The following GNA12 variants were observed in gnomAD, a reference collection of about 807,000 sequenced individuals.
The protein encoded by GNA12 is G protein subunit alpha 12.
A neutral mutation model predicts 26.0 loss-of-function variants in GNA12; 9 were observed. The observed-to-expected ratio is 0.35, with a 90% confidence interval of 0.21 to 0.60. The LOEUF (loss-of-function observed/expected upper bound fraction) is 0.60, where lower values mean the gene tolerates loss of function less well. GNA12 is among the 20% of genes least tolerant of loss of function. The probability of loss-of-function intolerance (pLI) is 0.78; values close to 1 mark genes in which losing one functional copy is unlikely to be tolerated. For synonymous variants in GNA12, 264 were observed against 219.6 expected, an observed-to-expected ratio of 1.20 and a Z score of -1.79; for missense variants, 405 against 525.8, an observed-to-expected ratio of 0.77 and a Z score of 2.25.
At chr7:2,809,705 C>T (rs1793033316) in intron 1 of GNA12, among the ~76,000 whole-genome samples, 1 of 152,150 alleles carries the variant, frequency 6.6e-6, no homozygotes, top group East Asian at 1.9e-4. Context: ...AAAAAGACAA[C>T]AGCTTACTTT....
chr7:2,754,836 A>G (rs1791214647), intron 2 of GNA12, among the ~76,000 whole-genome samples: 1 of 152,222 alleles, frequency 6.6e-6, no homozygotes, highest in Admixed American at 6.5e-5. Flanking sequence ...ACGGATCACT[A>G]GGGCGTCATG....
intron 1 of GNA12, among the ~76,000 whole-genome samples, chr7:2,798,137 G>C (rs1792724283): frequency 6.6e-6 from 1 of 152,144 alleles, no homozygotes; most frequent in East Asian, 1.9e-4. Context: ...GGAAGTTCTA[G>C]CCAGTGCGAC....
At chr7:2,751,944 C>T (rs183591353) in intron 2 of GNA12, among the ~76,000 whole-genome samples, 151 of 152,272 alleles carry the variant, frequency 9.9e-4, no homozygotes, top group African/African-American at 3.5e-3. Flanking sequence ...ATAACACTAA[C>T]GAACGTGAAC....
intron 2 of GNA12, among the ~76,000 whole-genome samples, chr7:2,742,401 G>A (rs1218027926): frequency 6.6e-6 from 1 of 152,046 alleles, no homozygotes; most frequent in Admixed American, 6.6e-5. Flanking sequence ...TGACAGTTTC[G>A]AGATGATTTT....
At chr7:2,829,725 T>C (rs898821784) in intron 1 of GNA12, among the ~76,000 whole-genome samples, 1 of 152,228 alleles carries the variant, frequency 6.6e-6, no homozygotes, top group African/African-American at 2.4e-5. Context: ...CGCCCTCTTT[T>C]CTTTAGGGAC....
At chr7:2,783,838 C>G (rs1583278315) in intron 2 of GNA12, among the ~76,000 whole-genome samples, 1 of 151,968 alleles carries the variant, frequency 6.6e-6, no homozygotes, top group East Asian at 1.9e-4. Flanking sequence ...GCACCCACCA[C>G]CATGTCTGGC....
intron 3 of GNA12, among the ~76,000 whole-genome samples, chr7:2,733,229 C>A (rs1287510393): frequency 6.6e-6 from 1 of 152,170 alleles, no homozygotes; most frequent in Non-Finnish European, 1.5e-5. Flanking sequence ...CTGTCTGTCT[C>A]CTTTATGGTG....
intron 1 of GNA12, among the ~76,000 whole-genome samples, chr7:2,815,696 T>C (rs756514053): frequency 1.3e-5 from 2 of 152,162 alleles, no homozygotes; most frequent in Non-Finnish European, 2.9e-5. Context: ...CCCAGCGTGG[T>C]GCTCCCTGGA....
At chr7:2,825,502 C>T (rs370339625) in intron 1 of GNA12, among the ~76,000 whole-genome samples, 19 of 152,196 alleles carry the variant, frequency 1.2e-4, no homozygotes, top group African/African-American at 3.6e-4. Context: ...AATATGAAGA[C>T]GCCATGAAGA....
At chr7:2,768,697 A>AC (rs1356286826) in intron 2 of GNA12, among the ~76,000 whole-genome samples, 31 of 152,088 alleles carry the variant, frequency 2.0e-4, no homozygotes, top group Middle Eastern at 3.4e-3. Context: ...CAAAAAAAAA[A>AC]ACAGTAAACC....
chr7:2,743,106 A>T (rs1452102534), intron 2 of GNA12, among the ~76,000 whole-genome samples: 1 of 152,218 alleles, frequency 6.6e-6, no homozygotes, highest in Non-Finnish European at 1.5e-5. Flanking sequence ...CACTCCAAAA[A>T]GAAAAGAGTC....
chr7:2,820,194 C>T (rs1168055234), intron 1 of GNA12, among the ~76,000 whole-genome samples: 3 of 152,222 alleles, frequency 2.0e-5, no homozygotes, highest in African/African-American at 2.4e-5. Context: ...TCCACGGTGT[C>T]GAAAGTGGGC....
In GNA12 at chr7:2,751,381, A is replaced by G. The variant is rs992268351; in HGVS notation, c.526-17880T>C. Among the ~76,000 whole-genome samples the G allele has an allele frequency of 2.1e-5, 3 of 145,662 alleles. No homozygotes were observed. In the East Asian group the frequency reaches 6.0e-4, roughly 29 times the overall value. On this transcript the variant is annotated intron_variant, in intron 2 of 3. Coordinates refer to ENST00000275364, the MANE Select transcript of GNA12 (RefSeq NM_007353.3). The stretch of plus-strand genomic sequence containing the variant: ...AATCCAGTATAGGCAACAGAGCAAG[A>G]CCGTTTCAAAGAAAAAAGAAAAAAA...
At chr7:2,766,919 T>C (rs915671094) in intron 2 of GNA12, among the ~76,000 whole-genome samples, 4 of 152,218 alleles carry the variant, frequency 2.6e-5, no homozygotes, top group Non-Finnish European at 5.9e-5. Flanking sequence ...TTTCTTCTGA[T>C]AGTAGCCATT....
At chr7:2,769,461 TG>T (rs1791893073) in intron 2 of GNA12, among the ~76,000 whole-genome samples, 1 of 151,338 alleles carries the variant, frequency 6.6e-6, no homozygotes, top group Non-Finnish European at 1.5e-5. Flanking sequence ...CTGGGCACGG[TG>T]GCTCATGTCT....
intron 1 of GNA12, among the ~76,000 whole-genome samples, chr7:2,807,490 G>C (rs1272707032): frequency 6.6e-6 from 1 of 151,818 alleles, no homozygotes; most frequent in Non-Finnish European, 1.5e-5. Context: ...AAAATCAAGA[G>C]AGCCTTGAAT....
chr7:2,773,388 C>A (rs1164978522), intron 2 of GNA12, among the ~76,000 whole-genome samples: 2 of 152,182 alleles, frequency 1.3e-5, no homozygotes, highest in East Asian at 3.9e-4. Context: ...CATGGCAAAA[C>A]CCCTTCTCTA....
intron 1 of GNA12, among the ~76,000 whole-genome samples, chr7:2,809,531 G>A (rs940299015): frequency 3.3e-5 from 5 of 151,948 alleles, no homozygotes; most frequent in Non-Finnish European, 5.9e-5. Flanking sequence ...AAAATTAGTT[G>A]TACAATGGAT....
chr7:2,752,716 C>A (rs1338372976), intron 2 of GNA12, among the ~76,000 whole-genome samples: 1 of 152,062 alleles, frequency 6.6e-6, no homozygotes, highest in African/African-American at 2.4e-5. Flanking sequence ...TACTAAGAAA[C>A]GTGAATTTTT....
Sources: gnomAD v4.1 joint callset for allele counts (sites outside exome capture counted in the v4.1 genomes callset) on GRCh38, gnomAD v4.1.1 for gene constraint, MANE v1.5 for transcripts, NCBI Gene and HGNC (gene_info 2026-07-23, HGNC 2026-07-21) for gene names.